The following RIMS1 variants were observed in gnomAD, a reference collection of about 807,000 sequenced individuals.
The protein encoded by RIMS1 is regulating synaptic membrane exocytosis 1.
Under a neutral mutation model 214.1 loss-of-function variants are expected in RIMS1, and 83 were observed. The observed-to-expected ratio is 0.39, with a 90% confidence interval of 0.32 to 0.47. The LOEUF is 0.47. Ranked by LOEUF, RIMS1 falls within the 20% of genes least tolerant of loss-of-function variation. RIMS1 has a pLI of 0.99. For missense variants in RIMS1, 2,050 were observed against 2,161.8 expected (o/e 0.95, Z 1.03); for synonymous variants, 793 against 786.8 (o/e 1.01, Z -0.13).
At chr6:72,167,827 G>C (rs966407704) in intron 4 of RIMS1, among the ~76,000 whole-genome samples, 8 of 151,892 alleles carry the variant, frequency 5.3e-5, no homozygotes, top group Admixed American at 5.2e-4. Context: ...CTTGACCAGT[G>C]CTGTGGGATT....
chr6:72,156,890 A>C (rs926644913), intron 4 of RIMS1, among the ~76,000 whole-genome samples: 1 of 140,798 alleles, frequency 7.1e-6, no homozygotes, highest in Non-Finnish European at 1.6e-5. Context: ...GAAATAATTA[A>C]ATTTCATGAA....
intron 28 of RIMS1, among the ~76,000 whole-genome samples, chr6:72,330,110 G>C (rs1212073316): frequency 6.6e-6 from 1 of 151,840 alleles, no homozygotes; most frequent in African/African-American, 2.4e-5. Context: ...GGTCCTGCCA[G>C]TGAGGCACAA....
In RIMS1 at chr6:71,955,052, T is replaced by C. The variant is rs545526675; in HGVS notation, c.165-13931T>C. 1.0e-3 allele frequency among the ~76,000 whole-genome samples: 156 copies of C among 152,336 alleles called. 1 individual carries two copies. Among genetic ancestry groups the C allele is most frequent in the Non-Finnish European group, 1.9e-3 (128 of 68,034 alleles). On this transcript the variant is annotated intron_variant, in intron 1 of 33. Transcript: ENST00000521978. ...TCCATATCATTGCATGTGTTAAAAA[T>C]ATATTTTATTCTATGAATATGCCAT...
At chr6:72,136,361 G>T (rs1166500860) in intron 4 of RIMS1, among the ~76,000 whole-genome samples, 1 of 151,732 alleles carries the variant, frequency 6.6e-6, no homozygotes, top group Non-Finnish European at 1.5e-5. Flanking sequence ...ATGCATCTTG[G>T]TGGAATTTTA....
chr6:71,967,425 A>G (rs1410051513), intron 1 of RIMS1, among the ~76,000 whole-genome samples: 2 of 152,164 alleles, frequency 1.3e-5, no homozygotes, highest in Admixed American at 6.5e-5. Flanking sequence ...TGCTATTTTT[A>G]GTTAAGTGAG....
intron 28 of RIMS1, among the ~76,000 whole-genome samples, chr6:72,326,902 G>A (rs2096491501): frequency 6.6e-6 from 1 of 151,728 alleles, no homozygotes; most frequent in Non-Finnish European, 1.5e-5. Context: ...ACAGAGATAT[G>A]ACAATAGAAG....
intron 24 of RIMS1, among the ~76,000 whole-genome samples, chr6:72,288,306 A>T (rs2092741329): frequency 6.6e-6 from 1 of 152,232 alleles, no homozygotes; most frequent in African/African-American, 2.4e-5. Context: ...AAAGGTACAT[A>T]TGTATATACT....
In RIMS1 at chr6:72,284,058, A is replaced by T; in HGVS notation, c.3494A>T (p.Lys1165Met). ...ATTTCATTCCACAGGCACTCCAGAA[A>T]GTCTGAAAGATCTAGCATCCAAAAA... ...ASPENDRHSR[K>M]SERSSIQKQT... is the part of the protein sequence containing the mutation. Residue 1165 changes from lysine (K) to methionine (M), a missense_variant, in exon 24 of 34, where the codon AAG (lysine) becomes ATG (methionine). By Grantham distance (95) the Lys-to-Met change is moderately conservative. This residue lies in a region of RIMS1 where 889 missense variants were observed against 885.5 expected (regional missense o/e 1.00). Coordinates refer to ENST00000521978, the MANE Select transcript of RIMS1 (RefSeq NM_014989.7). The T allele has an allele frequency of 6.2e-7, 1 of 1,612,866 alleles. No individual in the cohort carries two copies. The highest frequency in any genetic ancestry group is 1.7e-5 in the Admixed American group (1 of 60,008).
At chr6:72,335,941 G>GT (rs1238276348) in intron 29 of RIMS1, among the ~76,000 whole-genome samples, 4 of 151,708 alleles carry the variant, frequency 2.6e-5, no homozygotes, top group African/African-American at 9.7e-5. Context: ...TTGTAAATTT[G>GT]TTTAAGTTCT....
At chr6:72,011,042 CA>C (rs1810360372) in intron 2 of RIMS1, among the ~76,000 whole-genome samples, 1 of 150,312 alleles carries the variant, frequency 6.7e-6, no homozygotes, top group African/African-American at 2.4e-5. Context: ...GCCAAAAGAA[CA>C]AAGCTGGAGT....
chr6:72,109,099 A>G (rs186245122), intron 4 of RIMS1, among the ~76,000 whole-genome samples: 104 of 152,132 alleles, frequency 6.8e-4, no homozygotes, highest in Non-Finnish European at 1.3e-3. Flanking sequence ...CCAGTCTATC[A>G]TTGTTGGACA....
In RIMS1 at chr6:72,333,628, C is replaced by A; in HGVS notation, c.4159C>A (p.Arg1387=). The change falls in exon 29 of 34, where the codon CGG becomes AGG. Residue 1387 remains arginine, a synonymous_variant. Transcript: ENST00000521978. ...SSFTPKMQGR[R]MGTSGRSIMK... ...ATTTACCCCCAAAATGCAAGGCAGA[C>A]GGATGGGGACTTCAGGAAGATCCAT... The A allele has an allele frequency of 1.3e-6, 2 of 1,594,300 alleles. No homozygotes were observed. Among genetic ancestry groups the A allele is most frequent in the Non-Finnish European group, 8.5e-7 (1 of 1,169,942 alleles).
At chr6:72,294,029 A>G (rs2093766349) in intron 26 of RIMS1, among the ~76,000 whole-genome samples, 1 of 151,560 alleles carries the variant, frequency 6.6e-6, no homozygotes, top group African/African-American at 2.4e-5. Context: ...TGTATTTTAT[A>G]TATCTATATA....
chr6:72,268,773 T>G (rs1028858083), intron 22 of RIMS1, among the ~76,000 whole-genome samples: 2 of 152,216 alleles, frequency 1.3e-5, no homozygotes, highest in African/African-American at 4.8e-5. Context: ...TCATGTTCTG[T>G]TGATTACACA....
intron 23 of RIMS1, among the ~76,000 whole-genome samples, chr6:72,277,257 G>A (rs1263918815): frequency 6.6e-6 from 1 of 152,070 alleles, no homozygotes; most frequent in Non-Finnish European, 1.5e-5. Flanking sequence ...AGATTTATTT[G>A]GAATTAACAT....
At chr6:71,965,444 G>A (rs1346847569) in intron 1 of RIMS1, among the ~76,000 whole-genome samples, 2 of 152,186 alleles carry the variant, frequency 1.3e-5, no homozygotes, top group Non-Finnish European at 1.5e-5. Flanking sequence ...AGCACATTTA[G>A]TTCCTGTTTG....
At chr6:72,074,433 G>A (rs1191163503) in intron 2 of RIMS1, among the ~76,000 whole-genome samples, 2 of 152,204 alleles carry the variant, frequency 1.3e-5, no homozygotes, top group African/African-American at 4.8e-5. Context: ...GAAGTCTGAG[G>A]TGGGTGGATC....
chr6:72,250,936 G>A lies in RIMS1; in HGVS notation c.2388G>A (p.Arg796=), dbSNP rs2073031840. Residue 796 remains arginine, a synonymous_variant, in exon 14 of 34, where the codon AGG becomes AGA. Coordinates refer to ENST00000521978, the MANE Select transcript of RIMS1 (RefSeq NM_014989.7). ...TATTTTTCAGTGATAAAAGTAAAAG[G>A]AGGACCAAAACAGTAAAGAAAATAC... ...FLPDRSDKSK[R]RTKTVKKILE... The A allele has an allele frequency of 1.3e-6, 2 of 1,510,248 alleles. No homozygotes were observed. The highest frequency in any genetic ancestry group is 1.8e-6 in the Non-Finnish European group (2 of 1,127,292). 93.6% of individuals were successfully genotyped at this position (1,510,248 alleles called of 1,614,324 possible).
At chr6:72,213,019 G>T (rs1589195272) in intron 6 of RIMS1, 1 of 1,500,180 alleles carries the variant, frequency 6.7e-7, no homozygotes, top group African/African-American at 1.4e-5. Context: ...AGTGATGAAG[G>T]AGGCGCTTCA....
Sources: allele counts gnomAD v4.1 joint callset (sites outside exome capture counted in the v4.1 genomes callset), GRCh38; gene constraint gnomAD v4.1.1; regional missense constraint gnomAD v4.1.1; transcripts MANE v1.5; gene names NCBI Gene and HGNC (gene_info 2026-07-23, HGNC 2026-07-21).